The following SAMD3 variants were observed in gnomAD, a reference collection of about 807,000 sequenced individuals.
SAMD3 encodes sterile alpha motif domain-containing protein 3.
SAMD3 carries 63 observed loss-of-function variants against 58.5 expected under a neutral mutation model. The ratio of observed to expected loss-of-function variants is 1.08; its 90% CI spans 0.88 to 1.33. The LOEUF (loss-of-function observed/expected upper bound fraction) is 1.33. SAMD3 is among the 40% of genes most tolerant of loss of function. The probability of loss-of-function intolerance (pLI) is 0.00; values close to 1 mark genes in which losing one functional copy is unlikely to be tolerated. For synonymous variants in SAMD3, 220 were observed against 210.3 expected, an observed-to-expected ratio of 1.05 and a Z score of -0.40; for missense variants, 604 against 608.4, an observed-to-expected ratio of 0.99 and a Z score of 0.08.
intron 2 of SAMD3, among the ~76,000 whole-genome samples, chr6:130,297,667 G>A (rs571217947): frequency 2.8e-4 from 43 of 152,134 alleles, no homozygotes; most frequent in Admixed American, 4.6e-4. Flanking sequence ...TAAAAGACAA[G>A]ACAGCTATAT....
intron 2 of SAMD3, among the ~76,000 whole-genome samples, chr6:130,287,191 T>C (rs1201767474): frequency 6.6e-6 from 1 of 152,236 alleles, no homozygotes; most frequent in East Asian, 1.9e-4. Context: ...AGTCTCCTCC[T>C]AGAAATCTTC....
intron 8 of SAMD3, among the ~76,000 whole-genome samples, chr6:130,164,349 T>C (rs1367950135): frequency 6.6e-6 from 1 of 152,174 alleles, no homozygotes; most frequent in East Asian, 1.9e-4. Context: ...AGCAAAATCA[T>C]TTTTTCCTAT....
chr6:130,183,378 C>T lies in SAMD3; in HGVS notation c.654+725G>A, dbSNP rs1244154668. The T allele has an allele frequency of 6.6e-6, 3 of 453,924 alleles. No homozygotes were observed. The Admixed American group carries it at 7.2e-5, about 11-fold the overall frequency. 28.1% of individuals were successfully genotyped at this position (453,924 alleles called of 1,614,324 possible). On this transcript the variant is annotated intron_variant, in intron 7 of 11. Coordinates refer to ENST00000439090, the MANE Select transcript of SAMD3 (RefSeq NM_001017373.4). ...AAAAAAAAAAAAAGAACTGCTGCCC[C>T]AGAGCATCCTGAGGGTCTGTTTTTA... is the stretch of plus-strand genomic sequence containing the variant.
rs1336477928 is a variant in SAMD3, at chr6:130,300,118, T to C, written c.-188+12860A>G. On this transcript the variant is annotated intron_variant, in intron 2 of 13. Coordinates refer to the SAMD3 transcript ENST00000368134. ...TCTCTAACTCATTCTGTAAAGCCAG[T>C]ATCATCCTGATACCAAAATCTGGCA... Among the ~76,000 whole-genome samples, 4 of 152,106 alleles carry C rather than the reference T, an allele frequency of 2.6e-5. No individual in the cohort carries two copies. In the East Asian group the frequency reaches 7.7e-4, roughly 29 times the overall value.
chr6:130,278,064 T>G (rs9492522), intron 2 of SAMD3, among the ~76,000 whole-genome samples: 48,632 of 152,020 alleles, frequency 0.32, 8,224 homozygotes, highest in East Asian at 0.47. Context: ...TGCTGCTGGG[T>G]ATAACATCAC....
chr6:130,246,041 T>TTAAC (rs1773532546), intron 2 of SAMD3, among the ~76,000 whole-genome samples: 1 of 152,158 alleles, frequency 6.6e-6, no homozygotes, highest in Admixed American at 6.5e-5. Context: ...AGCTGCCCAC[T>TTAAC]TAACAGCCAT....
chr6:130,146,246 G>T, intron 9 of SAMD3, 65 bp from the exon 10 acceptor site: 1 of 1,033,636 alleles, frequency 9.7e-7, no homozygotes. Flanking sequence ...AGAATGTAAA[G>T]ACATAAAACC....
chr6:130,168,195 A>G (rs1790898538), intron 8 of SAMD3, among the ~76,000 whole-genome samples: 1 of 152,202 alleles, frequency 6.6e-6, no homozygotes. Flanking sequence ...GCACTTTGGG[A>G]GGCCAAGGTG....
At position 130,364,087 on chromosome 6, in the gene SAMD3, C is replaced by T. The variant is rs113298103; in HGVS notation, c.-304+1033G>A. Among the ~76,000 whole-genome samples the T allele has an allele frequency of 2.0e-4, 31 of 152,206 alleles. 1 individual carries two copies. The South Asian group carries it at 4.0e-3, about 19-fold the overall frequency. On this transcript the variant is annotated intron_variant, in intron 1 of 13. Transcript: ENST00000368134. ...TCCTCTATTTACAGGCCATTTTACC[C>T]GCCTCTTCTGAGACTAATAGTAATT...
At chr6:130,227,259 T>C (rs929214196), upstream of SAMD3, among the ~76,000 whole-genome samples, 3 of 152,218 alleles carry the variant, frequency 2.0e-5, no homozygotes, top group African/African-American at 2.4e-5. Flanking sequence ...TCTCTCAGTA[T>C]AATGTTTTCA....
chr6:130,215,154 G>A (rs374606424), intron 3 of SAMD3, 41 bp downstream of exon 3: 1 of 1,035,764 alleles, frequency 9.7e-7, no homozygotes, highest in Non-Finnish European at 1.5e-6. Flanking sequence ...AGAATATCTA[G>A]GCTGCTCAAT....
At chr6:130,285,743 A>G (rs1000599771) in intron 2 of SAMD3, among the ~76,000 whole-genome samples, 3 of 152,266 alleles carry the variant, frequency 2.0e-5, no homozygotes, top group East Asian at 1.9e-4. Context: ...GACAATTTTA[A>G]AAGTCCATCT....
chr6:130,324,499 A>G (rs1328251985), intron 1 of SAMD3, among the ~76,000 whole-genome samples: 1 of 152,216 alleles, frequency 6.6e-6, no homozygotes, highest in Non-Finnish European at 1.5e-5. Context: ...TTTTTTTACC[A>G]TCAAAATATA....
intron 2 of SAMD3, among the ~76,000 whole-genome samples, chr6:130,247,586 T>A (rs1773594501): frequency 1.3e-5 from 2 of 152,184 alleles, no homozygotes; most frequent in Admixed American, 6.5e-5. Context: ...CGTGAATTTG[T>A]AATGATACAA....
chr6:130,348,169 C>T (rs144928010), intron 1 of SAMD3, among the ~76,000 whole-genome samples: 4 of 152,228 alleles, frequency 2.6e-5, no homozygotes, highest in African/African-American at 7.2e-5. Context: ...ACTGCAGCAA[C>T]CAATGAGCAA....
intron 2 of SAMD3, among the ~76,000 whole-genome samples, chr6:130,237,247 T>C (rs914323844): frequency 2.0e-5 from 3 of 152,184 alleles, no homozygotes; most frequent in Non-Finnish European, 4.4e-5. Context: ...AAGAAATATG[T>C]CTCAATTAAT....
intron 2 of SAMD3, among the ~76,000 whole-genome samples, chr6:130,312,373 T>C (rs1322431969): frequency 6.6e-6 from 1 of 152,228 alleles, no homozygotes; most frequent in East Asian, 1.9e-4. Flanking sequence ...CATTGATTCC[T>C]GAATCATGCT....
intron 1 of SAMD3, among the ~76,000 whole-genome samples, chr6:130,344,824 G>A (rs1395115683): frequency 1.3e-4 from 2 of 15,560 alleles, no homozygotes; most frequent in African/African-American, 2.5e-4. Context: ...AACAACAACA[G>A]CAAAAAAAAA....
At chr6:130,183,908 A>G (rs1183089388) in intron 7 of SAMD3, among the ~76,000 whole-genome samples, 195 bp downstream of exon 7, 1 of 152,196 alleles carries the variant, frequency 6.6e-6, no homozygotes, top group Non-Finnish European at 1.5e-5. Context: ...AAAGACAGAA[A>G]CAAAGTTGGA....
Sources: gnomAD v4.1 joint callset for allele counts (sites outside exome capture counted in the v4.1 genomes callset) on GRCh38, gnomAD v4.1.1 for gene constraint, MANE v1.5 for transcripts, NCBI Gene and HGNC (gene_info 2026-07-23, HGNC 2026-07-21) for gene names.